Variants in MGST1 observed in about 807,000 individuals in gnomAD.
The protein encoded by MGST1 is glutathione S-transferase 12.
Under a neutral mutation model 8.9 loss-of-function variants are expected in MGST1, and 5 were observed. The observed-to-expected ratio is 0.56, with a 90% CI of 0.29 to 1.19. The LOEUF (loss-of-function observed/expected upper bound fraction) is 1.19. Ranked by LOEUF, MGST1 falls within the 50% of genes most tolerant of loss-of-function variation. The pLI, the probability that MGST1 is intolerant of heterozygous loss-of-function variation, is 0.08. For missense variants in MGST1, 182 were observed against 187.4 expected (o/e 0.97, Z 0.17); for synonymous variants, 54 against 67.8 (o/e 0.80, Z 1.00).
chr12:16,585,598 G>A lies in MGST1; in HGVS notation n.483-3930G>A, dbSNP rs1402731097. Among the ~76,000 whole-genome samples the A allele has an allele frequency of 6.6e-6, 1 of 152,022 alleles. No individual in the cohort carries two copies. The highest frequency in any genetic ancestry group is 2.4e-5 in the African/African-American group (1 of 41,388). On this transcript the variant is annotated intron_variant and non_coding_transcript_variant, in intron 4 of 4. Coordinates refer to the MGST1 transcript ENST00000538857. This position sits in a 1 kb window ranked among gnomAD's most constrained non-coding sequence, Gnocchi z 4.7. ...TATCTGAGCATCTCTCATGCATCAG[G>A]CCCTATGTTCCCACCTGTATTTTCT...
At chr12:16,578,103 A>T (rs992648408) in intron 4 of MGST1, among the ~76,000 whole-genome samples, 2 of 152,080 alleles carry the variant, frequency 1.3e-5, no homozygotes, top group Non-Finnish European at 2.9e-5. Context: ...ACGGCACCTC[A>T]TCGCCTCCCA....
intron 4 of MGST1, among the ~76,000 whole-genome samples, chr12:16,575,292 C>A (rs753759022): frequency 2.6e-5 from 4 of 152,162 alleles, no homozygotes; most frequent in Non-Finnish European, 4.4e-5. Flanking sequence ...AATTTCCACA[C>A]ACTAAACGTC....
At chr12:16,553,105 T>C (rs528462291) in intron 4 of MGST1, among the ~76,000 whole-genome samples, 5 of 152,268 alleles carry the variant, frequency 3.3e-5, no homozygotes, top group African/African-American at 1.2e-4. Context: ...GCTTACCATG[T>C]GCTAAATGCT....
chr12:16,377,175 T>A (rs1043579695), exon 4 of MGST1: 6 of 152,090 alleles, frequency 3.9e-5, no homozygotes, highest in African/African-American at 1.4e-4. Flanking sequence ...ATTAAAGTTT[T>A]AGGGTACATG....
Position 16,526,020 on chromosome 12 carries a change from G to T in MGST1, n.483-63508G>T, listed in dbSNP as rs11056985. On this transcript the variant is annotated intron_variant and non_coding_transcript_variant, in intron 4 of 4. Coordinates refer to the MGST1 transcript ENST00000538857. ...GTTTTTTTCTTGTAAATTTGTTTGA[G>T]TTCATTGTAGATTCTGGATATTAGC... Among the ~76,000 whole-genome samples the T allele has an allele frequency of 8.0e-3, 1,176 of 146,236 alleles. 31 individuals are homozygous for T. In the East Asian group the frequency reaches 0.13, roughly 16 times the overall value.
intron 1 of MGST1, chr12:16,350,882 A>C (rs1939431668): frequency 1.3e-5 from 2 of 151,396 alleles, no homozygotes; most frequent in Admixed American, 1.3e-4. Flanking sequence ...TGATTGAGAA[A>C]CTCTGTGTGA....
chr12:16,550,622 C>G (rs1313207277), intron 4 of MGST1: 1 of 152,272 alleles, frequency 6.6e-6, no homozygotes, highest in Non-Finnish European at 1.5e-5. Context: ...CTGATAGACT[C>G]TAACTCATAG....
chr12:16,372,426 AAC>A (rs1289282038), intron 3 of MGST1, among the ~76,000 whole-genome samples: 1 of 152,104 alleles, frequency 6.6e-6, no homozygotes, highest in Admixed American at 6.6e-5. Flanking sequence ...TATATGAAAA[AAC>A]ACACAACAGC....
chr12:16,465,761 A>T (rs1941249555), intron 4 of MGST1, among the ~76,000 whole-genome samples: 1 of 152,086 alleles, frequency 6.6e-6, no homozygotes, highest in Admixed American at 6.6e-5. Flanking sequence ...TCATCCCCAA[A>T]TTATCCTCCT....
rs185318231 is a variant in MGST1, at chr12:16,571,806, T to C, written n.483-17722T>C. On this transcript the variant is annotated intron_variant and non_coding_transcript_variant, in intron 4 of 4. Coordinates refer to the MGST1 transcript ENST00000538857. ...AACTGGATCATTCAGCTAACACTAA[T>C]TTAGAAAATCTGACTTAGTTTTCAG... 1.0e-3 allele frequency among the ~76,000 whole-genome samples: 152 copies of C among 152,168 alleles called. 2 individuals carry two copies. Among genetic ancestry groups the C allele is most frequent in the African/African-American group, 3.6e-3 (150 of 41,576 alleles).
rs146093143 is a variant in MGST1, at chr12:16,478,875, C to T, written n.482+95271C>T. Among the ~76,000 whole-genome samples the T allele has an allele frequency of 5.3e-3, 808 of 152,120 alleles. 2 individuals carry two copies. The highest frequency in any genetic ancestry group is 0.014 in the Middle Eastern group (4 of 294). On this transcript the variant is annotated intron_variant and non_coding_transcript_variant, in intron 4 of 4. Transcript: ENST00000538857. ...AACAATTCAATGGCATTTAGTACAT[C>T]CACAGTGTTGTACACTGCCTCTATC...
Position 16,387,092 on chromosome 12 carries a change from T to A in MGST1, n.778+3488T>A, listed in dbSNP as rs1940510198. 2.0e-5 allele frequency among the ~76,000 whole-genome samples: 3 copies of A among 152,242 alleles called. No homozygotes were observed. The South Asian group carries it at 6.2e-4, about 31-fold the overall frequency. ...GTTATTGCTGTTAAATCTTTTACTGTGCCTAATTTGTAAATTAAACTTTAC... is the reference window on the plus strand; with the variant it reads ...GTTATTGCTGTTAAATCTTTTACTGAGCCTAATTTGTAAATTAAACTTTAC... On this transcript the variant is annotated intron_variant and non_coding_transcript_variant, in intron 1 of 1. Transcript: ENST00000359720.
At position 16,517,350 on chromosome 12, in the gene MGST1, T is replaced by A. The variant is rs1366868676; in HGVS notation, n.483-72178T>A. On this transcript the variant is annotated intron_variant and non_coding_transcript_variant, in intron 4 of 4. Coordinates refer to the MGST1 transcript ENST00000538857. This position sits in a 1 kb window ranked among gnomAD's most constrained non-coding sequence, Gnocchi z 4.2. ...TTCTCTCCCCTTATGAATAGAATAA[T>A]GTTGTTATCACAGGAGTGAATTTGT... Among the ~76,000 whole-genome samples, 1 of 152,156 alleles carries A rather than the reference T, an allele frequency of 6.6e-6. No individual in the cohort carries two copies. Among genetic ancestry groups the A allele is most frequent in the African/African-American group, 2.4e-5 (1 of 41,430 alleles).
At chr12:16,567,818 C>T (rs767490364) in intron 4 of MGST1, among the ~76,000 whole-genome samples, 5 of 152,040 alleles carry the variant, frequency 3.3e-5, no homozygotes, top group Non-Finnish European at 7.4e-5. Flanking sequence ...AAACTCCACA[C>T]TTCCTTCAAT....
At chr12:16,408,178 T>C (rs1330557765) in intron 1 of MGST1, among the ~76,000 whole-genome samples, 2 of 151,454 alleles carry the variant, frequency 1.3e-5, no homozygotes, top group East Asian at 3.9e-4. Context: ...CATGGACATA[T>C]GGACATAAAG....
rs899490115 is a variant in MGST1, at chr12:16,547,188, A to C, written n.483-42340A>C. On this transcript the variant is annotated intron_variant and non_coding_transcript_variant, in intron 4 of 4. Coordinates refer to the MGST1 transcript ENST00000538857. The surrounding 1 kb of genome is among the most constrained non-coding windows in gnomAD (Gnocchi z 4.6). Reference sequence around the variant, plus strand: ...AATCTTCGTTTATGATACTAATCACACAATTACCTACAGGCATGTGTTAAA... The same window carrying C: ...AATCTTCGTTTATGATACTAATCACCCAATTACCTACAGGCATGTGTTAAA... Among the ~76,000 whole-genome samples the C allele has an allele frequency of 5.5e-4, 84 of 152,158 alleles. No homozygotes were observed. Among genetic ancestry groups the C allele is most frequent in the African/African-American group, 2.0e-3 (81 of 41,416 alleles).
At chr12:16,543,920 T>C (rs1941806645) in intron 4 of MGST1, among the ~76,000 whole-genome samples, 1 of 152,108 alleles carries the variant, frequency 6.6e-6, no homozygotes, top group South Asian at 2.1e-4. Context: ...GGATAAATTC[T>C]TAAGTCATCA....
At chr12:16,356,164 C>T (rs1469934821) in intron 2 of MGST1, among the ~76,000 whole-genome samples, 1 of 152,172 alleles carries the variant, frequency 6.6e-6, no homozygotes, top group Non-Finnish European at 1.5e-5. Context: ...GAAGATTAGG[C>T]TTTAACATAC....
At chr12:16,379,744 C>G (rs1257416437), downstream of MGST1, among the ~76,000 whole-genome samples, 1 of 152,194 alleles carries the variant, frequency 6.6e-6, no homozygotes, top group Non-Finnish European at 1.5e-5. Context: ...CTTTGTATCT[C>G]TGGTAGAATT....
Sources: gnomAD v4.1 joint callset for allele counts (sites outside exome capture counted in the v4.1 genomes callset) on GRCh38, gnomAD v4.1.1 for gene constraint, Gnocchi (gnomAD v3.1) non-coding constraint, MANE v1.5 for transcripts, NCBI Gene and HGNC (gene_info 2026-07-23, HGNC 2026-07-21) for gene names.